TAB2: variants seen among roughly 807,000 people sequenced by gnomAD.
The protein encoded by TAB2 is TGF-beta activated kinase 1 (MAP3K7) binding protein 2.
A neutral mutation model predicts 65.0 loss-of-function variants in TAB2; 3 were observed. The observed-to-expected ratio is 0.05, with a 90% CI of 0.02 to 0.12. The LOEUF is 0.12. TAB2 is among the 10% of genes least tolerant of loss of function. The probability of loss-of-function intolerance (pLI) is 1.00; values close to 1 mark genes in which losing one functional copy is unlikely to be tolerated. For missense variants in TAB2, 623 were observed against 840.3 expected (o/e 0.74, Z 3.20); for synonymous variants, 298 against 285.1 (o/e 1.05, Z -0.46).
chr6:149,411,253 T>C lies in TAB2; in HGVS notation c.*1534T>C, dbSNP rs995683887. On this transcript the variant is annotated 3_prime_UTR_variant, in exon 7 of 7. Coordinates refer to ENST00000637181, the MANE Select transcript of TAB2 (RefSeq NM_001292034.3). ...GAAGATAATATAGACTACCACCCAC[T>C]GTAAATGTTTGCAAGTGGCTGTGTT... The C allele has an allele frequency of 2.6e-5, 4 of 152,496 alleles. No individual in the cohort carries two copies. The highest frequency in any genetic ancestry group is 5.9e-5 in the Non-Finnish European group (4 of 68,042). The allele number at this position is 152,496 out of a possible 1,614,324, so 9.4% of individuals were successfully genotyped here.
At chr6:149,386,308 T>G in intron 3 of TAB2, among the ~76,000 whole-genome samples, 1 of 152,222 alleles carries the variant, frequency 6.6e-6, no homozygotes. Context: ...TGAGATATAG[T>G]TAATATACAT....
chr6:149,289,305 A>T lies in TAB2; in HGVS notation c.-121+70529A>T, dbSNP rs115463683. Among the ~76,000 whole-genome samples the T allele has an allele frequency of 4.8e-3, 727 of 151,894 alleles. 6 individuals carry two copies. Among genetic ancestry groups the T allele is most frequent in the African/African-American group, 0.016 (673 of 41,398 alleles). On this transcript the variant is annotated intron_variant, in intron 1 of 1. Transcript: ENST00000606202. ...CATTTTGGGAGGCAAGGGCAGGAGG[A>T]TTGCTTGAGCCCAAGGGGAACAAGG...
chr6:149,300,555 CT>C, intron 1 of TAB2, among the ~76,000 whole-genome samples: 1 of 152,226 alleles, frequency 6.6e-6, no homozygotes, highest in Non-Finnish European at 1.5e-5. Flanking sequence ...GGATCATTCT[CT>C]TTCCTTCAGC....
chr6:149,353,947 A>G (rs1780571982), intron 1 of TAB2, among the ~76,000 whole-genome samples: 1 of 152,218 alleles, frequency 6.6e-6, no homozygotes, highest in Non-Finnish European at 1.5e-5. Flanking sequence ...TTAACCCACT[A>G]AAACTTTGGA....
At chr6:149,253,617 C>CAA (rs1170705031) in intron 1 of TAB2, among the ~76,000 whole-genome samples, 28,710 of 64,758 alleles carry the variant, frequency 0.44, 6,550 homozygotes, top group East Asian at 0.57. Context: ...AAGACTGTCT[C>CAA]AAAAAAAAAA....
Position 149,378,804 on chromosome 6 carries a change from A to C in TAB2, c.889A>C (p.Thr297Pro). The change falls in exon 3 of 7, where the codon ACC becomes CCC. Residue 297 changes from threonine (T) to proline (P), a missense_variant. Around this residue, in one of 3 missense-constraint regions of TAB2, gnomAD observed 550 missense variants for 665.7 expected, o/e 0.83. Transcript: ENST00000637181. The stretch of plus-strand genomic sequence containing the variant: ...TTCACCTACTACTTCACAACCACCA[A>C]CCATTCATTCATCTGGTAGCTCACA... ...ISSPTTSQPP[T>P]IHSSGSSQSS... 1 of 1,613,840 alleles carries C rather than the reference A, an allele frequency of 6.2e-7. No individual in the cohort carries two copies. Among genetic ancestry groups the C allele is most frequent in the African/African-American group, 1.3e-5 (1 of 74,892 alleles).
intron 4 of TAB2, 86 bp downstream of exon 4, chr6:149,397,850 C>T: frequency 6.3e-7 from 1 of 1,585,534 alleles, no homozygotes; most frequent in South Asian, 1.1e-5. Flanking sequence ...ATCTAGTTTT[C>T]TTCAGATGTT....
intron 1 of TAB2, among the ~76,000 whole-genome samples, chr6:149,273,785 G>A (rs985694321): frequency 6.6e-6 from 1 of 152,184 alleles, no homozygotes; most frequent in African/African-American, 2.4e-5. Flanking sequence ...AAACAGAAGG[G>A]CAGAACACAC....
chr6:149,298,810 T>C (rs1346455868), intron 1 of TAB2, among the ~76,000 whole-genome samples: 2 of 152,230 alleles, frequency 1.3e-5, no homozygotes, highest in African/African-American at 4.8e-5. Flanking sequence ...ACGTTAATTT[T>C]TCTTATTTCA....
At chr6:149,289,682 A>G (rs905115326) in intron 1 of TAB2, among the ~76,000 whole-genome samples, 24 of 152,336 alleles carry the variant, frequency 1.6e-4, no homozygotes, top group Middle Eastern at 3.4e-3. Context: ...CAAACTCTGT[A>G]AAATATTTGA....
At chr6:149,371,898 C>T (rs754450747) in intron 2 of TAB2, among the ~76,000 whole-genome samples, 14 of 151,832 alleles carry the variant, frequency 9.2e-5, no homozygotes, top group Non-Finnish European at 1.8e-4. Context: ...GGGAAAGGAG[C>T]GGAGATAGTG....
chr6:149,373,779 T>A (rs1029780734), intron 2 of TAB2, among the ~76,000 whole-genome samples: 1 of 152,218 alleles, frequency 6.6e-6, no homozygotes, highest in African/African-American at 2.4e-5. Context: ...CCCCTTTTGA[T>A]ACACTTCAAG....
intron 6 of TAB2, among the ~76,000 whole-genome samples, chr6:149,409,038 A>G (rs569537724): frequency 1.3e-5 from 2 of 152,232 alleles, no homozygotes; most frequent in South Asian, 4.2e-4. Context: ...TTTTACATAG[A>G]TTTACTTCTC....
chr6:149,369,232 G>A (rs1334218915), intron 1 of TAB2, among the ~76,000 whole-genome samples: 1 of 152,100 alleles, frequency 6.6e-6, no homozygotes, highest in Non-Finnish European at 1.5e-5. Flanking sequence ...AAAATAAGGT[G>A]GGTAGTTTTC....
At chr6:149,284,594 G>A (rs1404314963) in intron 1 of TAB2, among the ~76,000 whole-genome samples, 1 of 149,776 alleles carries the variant, frequency 6.7e-6, no homozygotes, top group Non-Finnish European at 1.5e-5. Flanking sequence ...TAAAAAATTA[G>A]ATCTAATTTT....
intron 6 of TAB2, among the ~76,000 whole-genome samples, chr6:149,405,850 A>C (rs1051807752): frequency 6.6e-6 from 1 of 152,152 alleles, no homozygotes; most frequent in Non-Finnish European, 1.5e-5. Flanking sequence ...AGTTAACAGT[A>C]GTTTATTATA....
intron 1 of TAB2, among the ~76,000 whole-genome samples, chr6:149,279,863 C>G (rs1278266814): frequency 1.3e-5 from 2 of 152,140 alleles, no homozygotes; most frequent in African/African-American, 4.8e-5. Flanking sequence ...CCTATTTCCC[C>G]CTTCTGTGCT....
At chr6:149,241,102 T>A (rs1323515114) in intron 1 of TAB2, among the ~76,000 whole-genome samples, 1 of 152,136 alleles carries the variant, frequency 6.6e-6, no homozygotes, top group Non-Finnish European at 1.5e-5. Flanking sequence ...CAAGAAGGTT[T>A]CCACCTACAC....
chr6:149,303,335 A>G (rs900228571), intron 1 of TAB2, among the ~76,000 whole-genome samples: 3 of 152,226 alleles, frequency 2.0e-5, no homozygotes, highest in Non-Finnish European at 4.4e-5. Flanking sequence ...TGTCTTCCAC[A>G]AAACCGGTCC....
Sources: gnomAD v4.1 joint callset for allele counts (sites outside exome capture counted in the v4.1 genomes callset) on GRCh38, gnomAD v4.1.1 for gene constraint, gnomAD v4.1.1 regional missense constraint, MANE v1.5 for transcripts, NCBI Gene and HGNC (gene_info 2026-07-23, HGNC 2026-07-21) for gene names.